The following RTN1 variants were observed in gnomAD, a reference collection of about 807,000 sequenced individuals.
The protein encoded by RTN1 is reticulon 1.
Under a neutral mutation model 65.5 loss-of-function variants are expected in RTN1, and 25 were observed. That is an observed-to-expected ratio of 0.38 (90% CI 0.28 to 0.53). The LOEUF is 0.53. Among genes scored for constraint, RTN1 ranks in the 20% least tolerant of loss-of-function variants. RTN1 has a pLI of 0.79. For missense variants in RTN1, 983 were observed against 1,025.4 expected (o/e 0.96, Z 0.57); for synonymous variants, 471 against 447.6 (o/e 1.05, Z -0.66).
At chr14:59,802,196 G>A (rs12323493) in intron 1 of RTN1, among the ~76,000 whole-genome samples, 30,488 of 152,086 alleles carry the variant, frequency 0.2, 4,376 homozygotes, top group African/African-American at 0.4. Context: ...AAATGTAATT[G>A]AAACCTAGAT....
intron 1 of RTN1, among the ~76,000 whole-genome samples, chr14:59,851,929 A>G: frequency 6.6e-6 from 1 of 152,118 alleles, no homozygotes; most frequent in South Asian, 2.1e-4. Flanking sequence ...AACTGTAAAC[A>G]GAACTGCTCG....
At chr14:59,639,376 C>T (rs1170482016) in intron 3 of RTN1, among the ~76,000 whole-genome samples, 1 of 152,164 alleles carries the variant, frequency 6.6e-6, no homozygotes, top group Non-Finnish European at 1.5e-5. Flanking sequence ...AATAAACTTA[C>T]TCAATGCAGG....
intron 3 of RTN1, among the ~76,000 whole-genome samples, chr14:59,654,247 G>A (rs1000495495): frequency 6.6e-5 from 10 of 151,962 alleles, no homozygotes; most frequent in African/African-American, 1.7e-4. Flanking sequence ...CCAATGTGGC[G>A]AAACCCCGTC....
intron 8 of RTN1, among the ~76,000 whole-genome samples, chr14:59,599,647 T>A (rs1449631059): frequency 6.6e-6 from 1 of 152,176 alleles, no homozygotes; most frequent in Non-Finnish European, 1.5e-5. Flanking sequence ...CCCACTAAAA[T>A]CAGAATACTC....
chr14:59,749,652 TATAG>T (rs1313008085), intron 1 of RTN1, among the ~76,000 whole-genome samples: 2 of 42,344 alleles, frequency 4.7e-5, no homozygotes, highest in African/African-American at 1.3e-4. Context: ...TATATATTTA[TATAG>T]ATATCTATAT....
intron 3 of RTN1, among the ~76,000 whole-genome samples, chr14:59,632,319 TC>T (rs1231794973): frequency 2.0e-5 from 3 of 152,180 alleles, no homozygotes; most frequent in Non-Finnish European, 4.4e-5. Context: ...CTACCTTTCC[TC>T]CCTCCTCCCA....
chr14:59,817,034 T>C (rs1430241054), intron 1 of RTN1, among the ~76,000 whole-genome samples: 2 of 152,064 alleles, frequency 1.3e-5, no homozygotes, highest in Non-Finnish European at 2.9e-5. Context: ...CCTGGTGAAC[T>C]TACAGAAGAA....
At chr14:59,665,191 G>C (rs867537409) in intron 3 of RTN1, among the ~76,000 whole-genome samples, 22 of 152,188 alleles carry the variant, frequency 1.4e-4, no homozygotes, top group Middle Eastern at 3.2e-3. Context: ...CAGCCAGAGA[G>C]AAAGGTCAAG....
At position 59,727,275 on chromosome 14, in the gene RTN1, G is replaced by A. The variant is rs1246735106; in HGVS notation, c.1409C>T (p.Ser470Leu). The A allele has an allele frequency of 1.5e-5, 22 of 1,506,074 alleles. No individual in the cohort carries two copies. The highest frequency in any genetic ancestry group is 2.4e-5 in the East Asian group (1 of 41,148). The allele number at this position is 1,506,074 out of a possible 1,614,324, so 93.3% of individuals were successfully genotyped here. A position where few individuals can be genotyped will look rare whatever the true frequency, so the allele number is the denominator to read the frequency against. Residue 470 changes from serine to leucine, a missense_variant, in exon 3 of 9, where the codon TCG (serine) becomes TTG (leucine). Ser to Leu is a moderately radical substitution (Grantham distance 145). Transcript: ENST00000267484. The surrounding 1 kb of genome is among the most constrained non-coding windows in gnomAD (Gnocchi z 4.2). Reference sequence around the variant, plus strand: ...CTCCGAGGCCGAGGAGGCGTCGCACGACTCGATGATGAGCTCGCTGTCCAG... The same window carrying A: ...CTCCGAGGCCGAGGAGGCGTCGCACAACTCGATGATGAGCTCGCTGTCCAG... ...AELDSELIIESCDASSASEES... is the reference protein window; with the variant it reads ...AELDSELIIELCDASSASEES...
chr14:59,703,763 T>C (rs1227030035), intron 3 of RTN1, among the ~76,000 whole-genome samples: 5 of 152,222 alleles, frequency 3.3e-5, no homozygotes, highest in African/African-American at 4.8e-5. Context: ...ACAACAAATA[T>C]TTGTTATATA....
chr14:59,695,084 T>C (rs1413820831), intron 3 of RTN1, among the ~76,000 whole-genome samples: 1 of 152,152 alleles, frequency 6.6e-6, no homozygotes, highest in Admixed American at 6.5e-5. Context: ...TATTCTATCC[T>C]CCTTCAGGGT....
In RTN1 at chr14:59,717,929, G is replaced by A. The variant is rs796440497; in HGVS notation, c.1765+8990C>T. On this transcript the variant is annotated intron_variant, in intron 3 of 8. Transcript: ENST00000267484. ...AAGTTCTCTGCCTACAATTAACTGC[G>A]GAGCTACTTAATGAAGCAGATGCAT... is the stretch of plus-strand genomic sequence containing the variant. Among the ~76,000 whole-genome samples the A allele has an allele frequency of 7.9e-5, 12 of 152,268 alleles. 1 individual carries two copies. The highest frequency in any genetic ancestry group is 2.2e-4 in the African/African-American group (9 of 41,548).
intron 1 of RTN1, among the ~76,000 whole-genome samples, chr14:59,762,974 G>A (rs963091107): frequency 6.6e-6 from 1 of 152,092 alleles, no homozygotes; most frequent in Non-Finnish European, 1.5e-5. Flanking sequence ...ATTTACTTTT[G>A]TGTTTTGAGC....
At chr14:59,674,714 A>T (rs1407927766) in intron 3 of RTN1, among the ~76,000 whole-genome samples, 2 of 152,244 alleles carry the variant, frequency 1.3e-5, no homozygotes, top group African/African-American at 2.4e-5. Flanking sequence ...AGAGCTTTAT[A>T]CTGTAGAAAG....
At chr14:59,604,544 T>A (rs1306057722) in intron 5 of RTN1, 1 of 152,356 alleles carries the variant, frequency 6.6e-6, no homozygotes, top group Non-Finnish European at 1.5e-5. Flanking sequence ...ATTGCCCTGG[T>A]ATCTCTCTTC....
chr14:59,672,153 T>C (rs1003908573), intron 3 of RTN1, among the ~76,000 whole-genome samples: 10 of 152,078 alleles, frequency 6.6e-5, no homozygotes, highest in African/African-American at 2.4e-4. Flanking sequence ...CCTTACTACT[T>C]TAGATGCCAT....
rs1222520295 is a variant in RTN1, at chr14:59,803,052, A to G, written c.242-56571T>C. The stretch of plus-strand genomic sequence containing the variant: ...TCCTCTTGGTGAAACTGATTTAAAA[A>G]AGTCATTTGCCATTTGCACTGGGAT... On this transcript the variant is annotated intron_variant, in intron 1 of 8. Coordinates refer to ENST00000267484, the MANE Select transcript of RTN1 (RefSeq NM_021136.3). This position sits in a 1 kb window ranked among gnomAD's most constrained non-coding sequence, Gnocchi z 5.6. Among the ~76,000 whole-genome samples, 1 of 152,160 alleles carries G rather than the reference A, an allele frequency of 6.6e-6. No homozygotes were observed. Among genetic ancestry groups the G allele is most frequent in the Non-Finnish European group, 1.5e-5 (1 of 68,020 alleles).
chr14:59,678,368 T>C (rs908114968), intron 3 of RTN1, among the ~76,000 whole-genome samples: 1 of 152,230 alleles, frequency 6.6e-6, no homozygotes, highest in African/African-American at 2.4e-5. Flanking sequence ...AAAACTTCAT[T>C]TTTCCTACAG....
intron 1 of RTN1, among the ~76,000 whole-genome samples, chr14:59,801,722 G>A (rs1349617685): frequency 6.6e-6 from 1 of 152,144 alleles, no homozygotes; most frequent in Non-Finnish European, 1.5e-5. Flanking sequence ...CAAAAGATAT[G>A]AAGGAGGAAT....
Sources: gnomAD v4.1 joint callset for allele counts (sites outside exome capture counted in the v4.1 genomes callset) on GRCh38, gnomAD v4.1.1 for gene constraint, Gnocchi (gnomAD v3.1) non-coding constraint, MANE v1.5 for transcripts, NCBI Gene and HGNC (gene_info 2026-07-23, HGNC 2026-07-21) for gene names.